The following TRIM36 variants were observed in gnomAD, a reference collection of about 807,000 sequenced individuals.
The protein encoded by TRIM36 is tripartite motif containing 36.
Under a neutral mutation model 72.4 loss-of-function variants are expected in TRIM36, and 42 were observed. The ratio of observed to expected loss-of-function variants is 0.58; its 90% CI spans 0.45 to 0.75. The LOEUF (loss-of-function observed/expected upper bound fraction) is 0.75. Among genes scored for constraint, TRIM36 ranks in the 30% least tolerant of loss-of-function variants. TRIM36 has a pLI of 0.00. For synonymous variants in TRIM36, 315 were observed against 282.8 expected, an observed-to-expected ratio of 1.11 and a Z score of -1.14; for missense variants, 913 against 857.1, an observed-to-expected ratio of 1.07 and a Z score of -0.81.
chr5:115,162,610 A>C (rs940618969), intron 2 of TRIM36, among the ~76,000 whole-genome samples: 3 of 152,224 alleles, frequency 2.0e-5, no homozygotes, highest in African/African-American at 7.2e-5. Context: ...GTACATAACT[A>C]AAATTTTATT....
Position 115,169,662 on chromosome 5 carries a change from G to T in TRIM36, c.-28C>A, listed in dbSNP as rs1353975453. ...CTGCCTTCTGCCAGGTGTCATCAGC[G>T]GCACGTTCCACTCACACCGGCTACC... On this transcript the variant is annotated 5_prime_UTR_variant, in exon 1 of 10. Coordinates refer to ENST00000513154, the MANE Select transcript of TRIM36 (RefSeq NM_001300759.2). 7.9e-6 allele frequency: 12 copies of T among 1,519,538 alleles called. No individual in the cohort carries two copies. The highest frequency in any genetic ancestry group is 1.1e-5 in the Non-Finnish European group (12 of 1,138,906). The allele number at this position is 1,519,538 out of a possible 1,614,324, so 94.1% of individuals were successfully genotyped here.
chr5:115,158,889 T>A (rs1754329231), intron 2 of TRIM36, among the ~76,000 whole-genome samples: 1 of 152,218 alleles, frequency 6.6e-6, no homozygotes, highest in Admixed American at 6.5e-5. Flanking sequence ...CTTTAAGATT[T>A]TTAAATCAAG....
chr5:115,161,290 A>G (rs1754470400), intron 2 of TRIM36, among the ~76,000 whole-genome samples: 3 of 152,184 alleles, frequency 2.0e-5, no homozygotes, highest in Admixed American at 6.5e-5. Flanking sequence ...ATATTTGTTG[A>G]ATGAATGAAT....
chr5:115,137,435 C>G lies in TRIM36; in HGVS notation c.1013G>C (p.Gly338Ala). 1 of 1,614,120 alleles carries G rather than the reference C, an allele frequency of 6.2e-7. No homozygotes were observed. Among genetic ancestry groups the G allele is most frequent in the Non-Finnish European group, 8.5e-7 (1 of 1,179,990 alleles). The change falls in exon 6 of 10, where the codon GGA (glycine) becomes GCA (alanine). Residue 338 changes from glycine to alanine, a missense_variant. Coordinates refer to ENST00000513154, the MANE Select transcript of TRIM36 (RefSeq NM_001300759.2). ...QGLLENNGLV[G>A]YAQEVLKETD... The stretch of plus-strand genomic sequence containing the variant: ...CTCCTTTAGCACTTCTTGAGCATAT[C>G]CCACAAGTCCATTGTTCTCTAGAAG...
rs774353135 is a variant in TRIM36 at position 115,179,961 on chromosome 5, G to A, written c.63+14C>T. 3.1e-6 allele frequency: 5 copies of A among 1,613,488 alleles called. No individual in the cohort carries two copies. The African/African-American group carries it at 6.7e-5, about 22-fold the overall frequency. ...GGGGGCCCAGGCCGCGGCGCCCCGCGCCTCATCACTTACCTTGCCTTTAGC... is the reference window on the plus strand; with the variant it reads ...GGGGGCCCAGGCCGCGGCGCCCCGCACCTCATCACTTACCTTGCCTTTAGC... On this transcript the variant is annotated intron_variant, in intron 1 of 9. Coordinates refer to the TRIM36 transcript ENST00000282369.
At chr5:115,141,703 A>T (rs1245604596) in intron 4 of TRIM36, among the ~76,000 whole-genome samples, 1 of 152,152 alleles carries the variant, frequency 6.6e-6, no homozygotes, top group Non-Finnish European at 1.5e-5. Context: ...AAGGCTTCTA[A>T]GTAAATGGAA....
upstream of TRIM36, among the ~76,000 whole-genome samples, chr5:115,174,777 C>T (rs944193552): frequency 2.0e-5 from 3 of 152,072 alleles, no homozygotes; most frequent in Admixed American, 1.3e-4. Flanking sequence ...TTTGTCTTCT[C>T]GACCATTTAA....
At chr5:115,163,168 G>C (rs1447367234) in intron 2 of TRIM36, among the ~76,000 whole-genome samples, 1 of 152,042 alleles carries the variant, frequency 6.6e-6, no homozygotes, top group Non-Finnish European at 1.5e-5. Flanking sequence ...TGTTGGTCAG[G>C]CTGGTCTTGA....
At chr5:115,168,419 A>G (rs916627923) in intron 1 of TRIM36, among the ~76,000 whole-genome samples, 1 of 152,200 alleles carries the variant, frequency 6.6e-6, no homozygotes, top group Non-Finnish European at 1.5e-5. Context: ...AGACAGCCCA[A>G]CTTCAAAGTA....
chr5:115,143,478 G>A (rs1053192314), intron 4 of TRIM36, among the ~76,000 whole-genome samples: 2 of 151,572 alleles, frequency 1.3e-5, no homozygotes, highest in Non-Finnish European at 2.9e-5. Context: ...CAAGGTAGCA[G>A]AGAAATATAA....
chr5:115,176,223 A>G (rs571604728), intron 1 of TRIM36, among the ~76,000 whole-genome samples: 160 of 152,344 alleles, frequency 1.1e-3, no homozygotes, highest in Middle Eastern at 6.8e-3. Flanking sequence ...GCAACTATCT[A>G]TTCGTCCTTC....
At chr5:115,174,371 C>T (rs946913420), upstream of TRIM36, 4 of 152,170 alleles carry the variant, frequency 2.6e-5, no homozygotes, top group Non-Finnish European at 4.4e-5. Flanking sequence ...CAAGAGAGCA[C>T]CTGGACTTAC....
In TRIM36 at chr5:115,149,569, GAAAAAAAAAA is replaced by G. The variant is rs748596152; in HGVS notation, c.263-2185_263-2176del. On this transcript the variant is annotated intron_variant, in intron 2 of 9. Transcript: ENST00000513154. ...CCCAGAATTGGGTCCTCAGAAATTT[GAAAAAAAAAA>G]AAAAAAAAAAAAAAAAAGTTCATCC... 6.2e-4 allele frequency: 12 copies of G among 19,264 alleles called. No homozygotes were observed. In the East Asian group the frequency reaches 0.011, roughly 18 times the overall value. The allele number at this position is 19,264 out of a possible 1,614,324, so 1.2% of individuals were successfully genotyped here.
At position 115,150,415 on chromosome 5, in the gene TRIM36, A is replaced by G. The variant is rs529627300; in HGVS notation, c.263-3021T>C. On this transcript the variant is annotated intron_variant, in intron 2 of 9. Coordinates refer to ENST00000513154, the MANE Select transcript of TRIM36 (RefSeq NM_001300759.2). ...GAGACACATGTAGCTAATGGCTACC[A>G]TATTATATGACACAGGGTTGAACAT... is the stretch of plus-strand genomic sequence containing the variant. Among the ~76,000 whole-genome samples, 16 of 152,394 alleles carry G rather than the reference A, an allele frequency of 1.0e-4. No individual in the cohort carries two copies. In the South Asian group the frequency reaches 3.3e-3, roughly 32 times the overall value.
chr5:115,176,760 G>C (rs975837746), intron 1 of TRIM36, among the ~76,000 whole-genome samples: 1 of 150,948 alleles, frequency 6.6e-6, no homozygotes, highest in South Asian at 2.1e-4. Flanking sequence ...AGTAACCTTA[G>C]ATATTGACCA....
chr5:115,133,866 C>G lies in TRIM36; in HGVS notation c.1492G>C (p.Ala498Pro). Residue 498 changes from alanine (A) to proline (P), a missense_variant, in exon 8 of 10, where the codon GCT becomes CCT. Coordinates refer to ENST00000513154, the MANE Select transcript of TRIM36 (RefSeq NM_001300759.2). Reference protein sequence around the residue: ...SRELILHTPPAPVFSFLFDEK... With the variant: ...SRELILHTPPPPVFSFLFDEK... ...TTCCTGATATTCACCATACCTGGAGCTGGAGGAGTATGAAGAATCAATTCT... is the reference window on the plus strand; with the variant it reads ...TTCCTGATATTCACCATACCTGGAGGTGGAGGAGTATGAAGAATCAATTCT... The G allele has an allele frequency of 6.3e-7, 1 of 1,589,646 alleles. No homozygotes were observed. Among genetic ancestry groups the G allele is most frequent in the Non-Finnish European group, 8.6e-7 (1 of 1,169,100 alleles).
chr5:115,163,469 C>A (rs1754593140), intron 2 of TRIM36, 49 bp downstream of exon 2: 1 of 1,496,586 alleles, frequency 6.7e-7, no homozygotes, highest in Non-Finnish European at 9.3e-7. Flanking sequence ...GAATATATAT[C>A]TATAAGCTTA....
chr5:115,147,351 A>T lies in TRIM36; in HGVS notation c.306T>A (p.Pro102=). ...CCACATCATGCTCACAGCCAGGGCA[A>T]GGGAAAACAGTTGTCCTCGGGGTCA... ...NSLTPRTTVF[P]CPGCEHDVDL... Residue 102 remains proline (P), a synonymous_variant, in exon 3 of 10, where the codon CCT becomes CCA. Transcript: ENST00000513154. 8 of 1,613,812 alleles carry T rather than the reference A, an allele frequency of 5.0e-6. No individual in the cohort carries two copies. The highest frequency in any genetic ancestry group is 6.8e-6 in the Non-Finnish European group (8 of 1,179,642).
At chr5:115,170,975 G>C (rs1391066180), upstream of TRIM36, 1 of 1,386,670 alleles carries the variant, frequency 7.2e-7, no homozygotes, top group South Asian at 1.4e-5. Context: ...AATTAATTTA[G>C]GATTATTAGA....
Sources: gnomAD v4.1 joint callset for allele counts (sites outside exome capture counted in the v4.1 genomes callset) on GRCh38, gnomAD v4.1.1 for gene constraint, MANE v1.5 for transcripts, NCBI Gene and HGNC (gene_info 2026-07-23, HGNC 2026-07-21) for gene names.